CCDC106: variants seen among roughly 807,000 people sequenced by gnomAD.
CCDC106 encodes the protein coiled-coil domain containing 106, also known as coiled-coil domain-containing protein 106.
CCDC106 carries 17 observed loss-of-function variants against 24.7 expected under a neutral mutation model. The observed-to-expected ratio is 0.69, with a 90% CI of 0.47 to 1.03. The LOEUF (loss-of-function observed/expected upper bound fraction) is 1.03, where lower values mean the gene tolerates loss of function less well. Ranked by LOEUF, CCDC106 falls within the 50% of genes least tolerant of loss-of-function variation. The pLI, the probability that CCDC106 is intolerant of heterozygous loss-of-function variation, is 0.00. For synonymous variants in CCDC106, 211 were observed against 161.3 expected, an observed-to-expected ratio of 1.31 and a Z score of -2.34; for missense variants, 337 against 388.9, an observed-to-expected ratio of 0.87 and a Z score of 1.12.
intron 4 of CCDC106, 53 bp downstream of exon 4, chr19:55,651,548 G>C: frequency 7.9e-7 from 1 of 1,260,286 alleles, no homozygotes; most frequent in South Asian, 1.5e-5. Flanking sequence ...CTGAATTGCT[G>C]TGTGTCCTTC....
Position 55,653,098 on chromosome 19 carries a change from C to T in CCDC106, c.*352C>T, listed in dbSNP as rs529614567. 1.3e-3 allele frequency: 310 copies of T among 235,522 alleles called. 1 individual carries two copies. Among genetic ancestry groups the T allele is most frequent in the African/African-American group, 6.7e-3 (293 of 44,016 alleles). The allele number at this position is 235,522 out of a possible 1,614,324, so 14.6% of individuals were successfully genotyped here. A position where few individuals can be genotyped will look rare whatever the true frequency, so the allele number is the denominator to read the frequency against. ...ATTCCCGGACAGACCTCCCCAACTC[C>T]GCGTGAGACAGAGAATTATTCAGAT... On this transcript the variant is annotated 3_prime_UTR_variant, in exon 5 of 5. Coordinates refer to ENST00000586790, the MANE Select transcript of CCDC106 (RefSeq NM_001370470.1).
Position 55,652,513 on chromosome 19 carries a change from G to C in CCDC106, c.610G>C (p.Glu204Gln). Residue 204 changes from glutamate (E) to glutamine (Q), a missense_variant, in exon 5 of 5, where the codon GAG becomes CAG. Physicochemically the swap from Glu to Gln is conservative, Grantham distance 29 (BLOSUM62 2). This residue lies in a region of CCDC106 where 103 missense variants were observed against 152.4 expected (regional missense o/e 0.68). Coordinates refer to ENST00000586790, the MANE Select transcript of CCDC106 (RefSeq NM_001370470.1). The surrounding 1 kb of genome is among the most constrained non-coding windows in gnomAD (Gnocchi z 5.9). ...QKLKSMSRAF[E>Q]HHRVDRNTVA... ...GCTCAAGAGCATGTCGCGGGCCTTCGAGCACCACCGCGTGGACAGGAACAC... is the reference window on the plus strand; with the variant it reads ...GCTCAAGAGCATGTCGCGGGCCTTCCAGCACCACCGCGTGGACAGGAACAC... 2.5e-6 allele frequency: 4 copies of C among 1,613,270 alleles called. No homozygotes were observed. Among genetic ancestry groups the C allele is most frequent in the Non-Finnish European group, 3.4e-6 (4 of 1,179,798 alleles).
chr19:55,651,853 A>ACG (rs1406353520), intron 4 of CCDC106, among the ~76,000 whole-genome samples: 1 of 152,076 alleles, frequency 6.6e-6, no homozygotes, highest in African/African-American at 2.4e-5. Context: ...AGTAGAGGCC[A>ACG]GGGTTTCACC....
At chr19:55,647,792 T>TG, upstream of CCDC106, among the ~76,000 whole-genome samples, 1 of 152,034 alleles carries the variant, frequency 6.6e-6, no homozygotes, top group South Asian at 2.1e-4. Context: ...GGGTCCGCGC[T>TG]GGCTAGTTCC....
rs1304306460 is a variant in CCDC106 at position 55,652,692 on chromosome 19, G to C, written c.789G>C (p.Gln263His). 6.2e-7 allele frequency: 1 copy of C among 1,612,944 alleles called. No individual in the cohort carries two copies. ...ACGACGAGACGCTCAAGAAGGTGCA[G>C]GCGCTCAAGAAGAGCAAGCTGCTGC... ...ALDDETLKKV[Q>H]ALKKSKLLLP... The change falls in exon 5 of 5, where the codon CAG becomes CAC. Residue 263 changes from glutamine (Q) to histidine (H), a missense_variant. By Grantham distance (24) the Gln-to-His change is conservative. Coordinates refer to ENST00000586790, the MANE Select transcript of CCDC106 (RefSeq NM_001370470.1). This position sits in a 1 kb window ranked among gnomAD's most constrained non-coding sequence, Gnocchi z 5.9.
At position 55,649,001 on chromosome 19, in the gene CCDC106, G is replaced by T; in HGVS notation, c.-46G>T. ...CATTTGTGGCTGCCGTTTCTGTCCA[G>T]TGCCCCTGAGGCCCTCGGCTGCTGG... On this transcript the variant is annotated 5_prime_UTR_variant, in exon 1 of 5. Transcript: ENST00000586790. 6.2e-7 allele frequency: 1 copy of T among 1,602,660 alleles called. No homozygotes were observed. The highest frequency in any genetic ancestry group is 1.1e-5 in the South Asian group (1 of 90,840).
Position 55,653,082 on chromosome 19 carries a change from C to A in CCDC106, c.*336C>A, listed in dbSNP as rs987770407. On this transcript the variant is annotated 3_prime_UTR_variant, in exon 5 of 5. Transcript: ENST00000586790. Reference sequence around the variant, plus strand: ...AGGAGCTGCCCACCTGATTCCCGGACAGACCTCCCCAACTCCGCGTGAGAC... The same window carrying A: ...AGGAGCTGCCCACCTGATTCCCGGAAAGACCTCCCCAACTCCGCGTGAGAC... 4 of 276,548 alleles carry A rather than the reference C, an allele frequency of 1.4e-5. No homozygotes were observed. Among genetic ancestry groups the A allele is most frequent in the African/African-American group, 2.2e-5 (1 of 44,630 alleles). The allele number at this position is 276,548 out of a possible 1,614,324, so 17.1% of individuals were successfully genotyped here.
At chr19:55,650,290 G>A (rs1449803526) in intron 3 of CCDC106, among the ~76,000 whole-genome samples, 1 of 152,166 alleles carries the variant, frequency 6.6e-6, no homozygotes, top group Non-Finnish European at 1.5e-5. Context: ...AGCTCCCACA[G>A]CAGCACCCAG....
intron 4 of CCDC106, among the ~76,000 whole-genome samples, chr19:55,651,708 G>C (rs911307096): frequency 3.3e-5 from 5 of 151,996 alleles, no homozygotes; most frequent in African/African-American, 1.2e-4. Context: ...GCCCAGGCTG[G>C]AGTGGTGCAG....
rs1304306460 is a variant in CCDC106 at position 55,652,692 on chromosome 19, G to A, written c.789G>A (p.Gln263=). 2 of 1,612,944 alleles carry A rather than the reference G, an allele frequency of 1.2e-6. No homozygotes were observed. Among genetic ancestry groups the A allele is most frequent in the Non-Finnish European group, 1.7e-6 (2 of 1,179,904 alleles). The part of the protein sequence containing the change: ...ALDDETLKKV[Q]ALKKSKLLLP... ...ACGACGAGACGCTCAAGAAGGTGCA[G>A]GCGCTCAAGAAGAGCAAGCTGCTGC... The change falls in exon 5 of 5, where the codon CAG becomes CAA. Residue 263 remains glutamine, a synonymous_variant. Transcript: ENST00000586790. The surrounding 1 kb of genome is among the most constrained non-coding windows in gnomAD (Gnocchi z 5.9).
Position 55,648,803 on chromosome 19 carries a change from G to A in CCDC106, c.-244G>A, listed in dbSNP as rs1439243061. The A allele has an allele frequency of 1.7e-6, 1 of 582,486 alleles. No individual in the cohort carries two copies. Among genetic ancestry groups the A allele is most frequent in the Admixed American group, 3.0e-5 (1 of 32,818 alleles). 36.1% of individuals were successfully genotyped at this position (582,486 alleles called of 1,614,324 possible). A position where few individuals can be genotyped will look rare whatever the true frequency, so the allele number is the denominator to read the frequency against. On this transcript the variant is annotated 5_prime_UTR_variant, in exon 1 of 5. Coordinates refer to ENST00000586790, the MANE Select transcript of CCDC106 (RefSeq NM_001370470.1). Reference sequence around the variant, plus strand: ...CTTCTCCCCCAGGACCTAGGCGGCTGGGCCCCCTGCCCCTGACTCCAGGAG... The same window carrying A: ...CTTCTCCCCCAGGACCTAGGCGGCTAGGCCCCCTGCCCCTGACTCCAGGAG...
intron 3 of CCDC106, 71 bp from the exon 4 acceptor site, chr19:55,651,212 C>G: frequency 8.3e-7 from 1 of 1,198,188 alleles, no homozygotes. Context: ...GGACTGCAGC[C>G]TCTCTCAGTC....
rs1983347659 is a variant in CCDC106, at chr19:55,652,238, T to C, written c.527-192T>C. ...CCTGCCTCTTCCCATTTCCCACTGG[T>C]CCAAGATCTGGCTGCGATTCTTCCC... On this transcript the variant is annotated intron_variant, in intron 4 of 4. Transcript: ENST00000586790. This position sits in a 1 kb window ranked among gnomAD's most constrained non-coding sequence, Gnocchi z 5.9. 6.6e-6 allele frequency among the ~76,000 whole-genome samples: 1 copy of C among 152,056 alleles called. No individual in the cohort carries two copies. Among genetic ancestry groups the C allele is most frequent in the Admixed American group, 6.5e-5 (1 of 15,280 alleles).
rs1445437449 is a variant in CCDC106 at position 55,651,430 on chromosome 19, A to G, written c.461A>G (p.Gln154Arg). The G allele has an allele frequency of 6.2e-7, 1 of 1,606,700 alleles. No homozygotes were observed. The highest frequency in any genetic ancestry group is 8.5e-7 in the Non-Finnish European group (1 of 1,177,288). Residue 154 changes from glutamine to arginine, a missense_variant, in exon 4 of 5, where the codon CAG becomes CGG. Physicochemically the swap from Gln to Arg is conservative, Grantham distance 43 (BLOSUM62 1). Transcript: ENST00000586790. ...GGCAGCGCCAGTGAGAGGAGGCGGC[A>G]GAAGCAGAAGGGAGGTGCTAGTCGG... ...EEGSASERRR[Q>R]KQKGGASRRR... is the part of the protein sequence containing the mutation.
chr19:55,651,059 A>C (rs551890057), intron 3 of CCDC106, among the ~76,000 whole-genome samples: 1 of 152,072 alleles, frequency 6.6e-6, no homozygotes, highest in South Asian at 2.1e-4. Flanking sequence ...CCTCTTGCCA[A>C]CCCAGGCCTC....
At chr19:55,651,237 G>A (rs1358433688) in intron 3 of CCDC106, 46 bp from the exon 4 acceptor site, 1 of 1,416,048 alleles carries the variant, frequency 7.1e-7, no homozygotes, top group Non-Finnish European at 1.0e-6. Flanking sequence ...GACCTGTGAT[G>A]GGATGTCTGG....
chr19:55,649,072 G>A lies in CCDC106; in HGVS notation c.26G>A (p.Arg9Gln), dbSNP rs771711836. ...ATGAATGACCGGAGCAGTCGGAGGCGGACAAGTGAGGAAGCTGGGTCCCCT... is the reference window on the plus strand; with the variant it reads ...ATGAATGACCGGAGCAGTCGGAGGCAGACAAGTGAGGAAGCTGGGTCCCCT... MNDRSSRR[R>Q]TMKDDETFEI... The change falls in exon 1 of 5, where the codon CGG becomes CAG. Residue 9 changes from arginine (R) to glutamine (Q), a missense_variant. By Grantham distance (43) the Arg-to-Gln change is conservative. Around this residue, in one of 2 missense-constraint regions of CCDC106, gnomAD observed 234 missense variants for 236.5 expected, o/e 0.99. Coordinates refer to ENST00000586790, the MANE Select transcript of CCDC106 (RefSeq NM_001370470.1). 5 of 1,613,884 alleles carry A rather than the reference G, an allele frequency of 3.1e-6. No homozygotes were observed. The highest frequency in any genetic ancestry group is 1.1e-5 in the South Asian group (1 of 91,076).
At chr19:55,651,975 C>T (rs1158505449) in intron 4 of CCDC106, among the ~76,000 whole-genome samples, 3 of 152,016 alleles carry the variant, frequency 2.0e-5, no homozygotes, top group Middle Eastern at 3.2e-3. Flanking sequence ...CCTGGGTTTA[C>T]TTTTAAGTTT....
chr19:55,650,839 A>G (rs1983205888), intron 3 of CCDC106, among the ~76,000 whole-genome samples: 1 of 152,002 alleles, frequency 6.6e-6, no homozygotes, highest in Non-Finnish European at 1.5e-5. Context: ...CTCTGTCTAG[A>G]TGGAGGTGGG....
Sources: allele counts gnomAD v4.1 joint callset (sites outside exome capture counted in the v4.1 genomes callset), GRCh38; gene constraint gnomAD v4.1.1; regional missense constraint gnomAD v4.1.1; non-coding constraint Gnocchi (gnomAD v3.1); transcripts MANE v1.5; gene names NCBI Gene and HGNC (gene_info 2026-07-23, HGNC 2026-07-21).